The following MYADM variants were observed in gnomAD, a reference collection of about 807,000 sequenced individuals.
MYADM encodes the protein myeloid-associated differentiation marker.
For synonymous variants in MYADM, 224 were observed against 210.2 expected (o/e 1.07, Z -0.57); for missense variants, 416 against 443.4 (o/e 0.94, Z 0.56).
chr19:53,870,390 T>TCCGAGGGAGGAGGGG, intron 2 of MYADM, among the ~76,000 whole-genome samples: 2 of 100,580 alleles, frequency 2.0e-5, no homozygotes, highest in African/African-American at 1.4e-4. Flanking sequence ...GGCTCCTGGG[T>TCCGAGGGAGGAGGGG]CTGAGGGAGG....
chr19:53,871,611 T>C (rs988031524), intron 2 of MYADM, among the ~76,000 whole-genome samples: 1 of 151,992 alleles, frequency 6.6e-6, no homozygotes, highest in Admixed American at 6.6e-5. Flanking sequence ...TGAGAAGATA[T>C]CCTTTATCGG....
In MYADM at chr19:53,874,347, G is replaced by A. The variant is rs1175263493; in HGVS notation, c.818G>A (p.Arg273His). Residue 273 changes from arginine to histidine, a missense_variant, in exon 3 of 3, where the codon CGC becomes CAC. Transcript: ENST00000391770. ...FDEKYGGQPR[R>H]SRDVSCSRSH... ...GAGAAGTATGGCGGCCAGCCTCGGC[G>A]CTCGAGAGATGTAAGCTGCAGCCGC... The A allele has an allele frequency of 1.2e-6, 2 of 1,613,740 alleles. No homozygotes were observed. The highest frequency in any genetic ancestry group is 1.3e-5 in the African/African-American group (1 of 74,954).
In MYADM at chr19:53,876,214, C is replaced by T. The variant is rs1197104339; in HGVS notation, c.*1716C>T. ...CACGGGTGTTTCTGTGTGCTAGTTG[C>T]TTCTTGCTGCTGCTTCCTGCTTGTC... On this transcript the variant is annotated 3_prime_UTR_variant, in exon 3 of 3. Coordinates refer to ENST00000391770, the MANE Select transcript of MYADM (RefSeq NM_138373.5). The T allele has an allele frequency of 6.0e-6, 1 of 165,552 alleles. No homozygotes were observed. Among genetic ancestry groups the T allele is most frequent in the Non-Finnish European group, 1.5e-5 (1 of 68,032 alleles). 10.3% of individuals were successfully genotyped at this position (165,552 alleles called of 1,614,324 possible).
At chr19:53,872,363 T>C (rs899015806) in intron 2 of MYADM, among the ~76,000 whole-genome samples, 2 of 151,934 alleles carry the variant, frequency 1.3e-5, no homozygotes, top group African/African-American at 4.8e-5. Context: ...GCCCAGATAA[T>C]TTTTGTATTA....
At position 53,873,621 on chromosome 19, in the gene MYADM, C is replaced by G. The variant is rs746598472; in HGVS notation, c.92C>G (p.Ala31Gly). 3 of 1,614,160 alleles carry G rather than the reference C, an allele frequency of 1.9e-6. No homozygotes were observed. The highest frequency in any genetic ancestry group is 1.7e-6 in the Non-Finnish European group (2 of 1,180,034). ...CCCATGATCGTGGGGTCCCCTCGGG[C>G]CCTGACACAGCCCCTGGGTCTCCTT... is the stretch of plus-strand genomic sequence containing the variant. Reference protein sequence around the residue: ...GSPMIVGSPRALTQPLGLLRL... With the variant: ...GSPMIVGSPRGLTQPLGLLRL... Residue 31 changes from alanine to glycine, a missense_variant, in exon 3 of 3, where the codon GCC becomes GGC. Coordinates refer to ENST00000391770, the MANE Select transcript of MYADM (RefSeq NM_138373.5). The surrounding 1 kb of genome is among the most constrained non-coding windows in gnomAD (Gnocchi z 4.3).
chr19:53,866,330 C>A (rs2068244373), upstream of MYADM: 1 of 151,886 alleles, frequency 6.6e-6, no homozygotes, highest in East Asian at 1.9e-4. The surrounding 1 kb of genome is among the most constrained non-coding windows in gnomAD (Gnocchi z 4.3). Context: ...CCCGTTAGCT[C>A]AGCGTCGCTG....
At position 53,868,728 on chromosome 19, in the gene MYADM, G is replaced by C. The variant is rs2068291738; in HGVS notation, c.-88+785G>C. Among the ~76,000 whole-genome samples, 1 of 152,166 alleles carries C rather than the reference G, an allele frequency of 6.6e-6. No homozygotes were observed. The highest frequency in any genetic ancestry group is 2.1e-4 in the South Asian group (1 of 4,834). ...TGAGGGGCTGGGTGTGGCCCGGAGA[G>C]TCGGGTGCGCTGCGAGGAATCCCGG... On this transcript the variant is annotated intron_variant, in intron 1 of 2. Coordinates refer to ENST00000391770, the MANE Select transcript of MYADM (RefSeq NM_138373.5). The surrounding 1 kb of genome is among the most constrained non-coding windows in gnomAD (Gnocchi z 6.3).
rs1356362183 is a variant in MYADM at position 53,868,765 on chromosome 19, C to G, written c.-88+822C>G. On this transcript the variant is annotated intron_variant, in intron 1 of 2. Transcript: ENST00000391770. This position sits in a 1 kb window ranked among gnomAD's most constrained non-coding sequence, Gnocchi z 6.3. Reference sequence around the variant, plus strand: ...GCGAGGAATCCCGGAGGGGTGTTTCCTCACCCTCCAGGGTCTGGCTGCGCA... The same window carrying G: ...GCGAGGAATCCCGGAGGGGTGTTTCGTCACCCTCCAGGGTCTGGCTGCGCA... 3 of 152,354 alleles carry G rather than the reference C, an allele frequency of 2.0e-5. No individual in the cohort carries two copies. The highest frequency in any genetic ancestry group is 4.4e-5 in the Non-Finnish European group (3 of 68,222). The allele number at this position is 152,354 out of a possible 1,614,324, so 9.4% of individuals were successfully genotyped here. A position where few individuals can be genotyped will look rare whatever the true frequency, so the allele number is the denominator to read the frequency against.
chr19:53,865,891 G>C (rs973297574), upstream of MYADM: 19 of 151,962 alleles, frequency 1.3e-4, no homozygotes, highest in African/African-American at 4.4e-4. Context: ...TCCCAGGGGA[G>C]TCTCCAACTA....
Position 53,874,551 on chromosome 19 carries a change from C to G in MYADM, c.*53C>G, listed in dbSNP as rs1599927419. 1.3e-6 allele frequency: 2 copies of G among 1,509,432 alleles called. No individual in the cohort carries two copies. The highest frequency in any genetic ancestry group is 4.7e-5 in the East Asian group (2 of 42,434). The allele number at this position is 1,509,432 out of a possible 1,614,324, so 93.5% of individuals were successfully genotyped here. ...CTCCAACCTCTTTGTTCTTCTTGCC[C>G]GAGTTTTCTTTATGGAGTACTTCTT... On this transcript the variant is annotated 3_prime_UTR_variant, in exon 3 of 3. Transcript: ENST00000391770.
In MYADM at chr19:53,873,956, T is replaced by G; in HGVS notation, c.427T>G (p.Phe143Val). The G allele has an allele frequency of 1.2e-6, 2 of 1,610,652 alleles. No homozygotes were observed. Among genetic ancestry groups the G allele is most frequent in the Non-Finnish European group, 1.7e-6 (2 of 1,180,018 alleles). ...SRDHAIAATF[F>V]SCIACVAYAT... is the part of the protein sequence containing the mutation. ...GGACCACGCCATCGCCGCCACCTTCTTCTCCTGCATCGCGTGTGTGGCTTA... is the reference window on the plus strand; with the variant it reads ...GGACCACGCCATCGCCGCCACCTTCGTCTCCTGCATCGCGTGTGTGGCTTA... The change falls in exon 3 of 3, where the codon TTC (phenylalanine) becomes GTC (valine). Residue 143 changes from phenylalanine to valine, a missense_variant. Coordinates refer to ENST00000391770, the MANE Select transcript of MYADM (RefSeq NM_138373.5). The surrounding 1 kb of genome is among the most constrained non-coding windows in gnomAD (Gnocchi z 4.3).
At position 53,875,338 on chromosome 19, in the gene MYADM, A is replaced by AT. The variant is rs1187935261; in HGVS notation, c.*843dup. 6.0e-6 allele frequency: 1 copy of AT among 166,558 alleles called. No homozygotes were observed. Among genetic ancestry groups the AT allele is most frequent in the East Asian group, 1.9e-4 (1 of 5,164 alleles). The allele number at this position is 166,558 out of a possible 1,614,324, so 10.3% of individuals were successfully genotyped here. ...AATTAAAAAACATATATATATATAT[A>AT]TTTGGAGGTCAGTAATTTCCAATGG... On this transcript the variant is annotated 3_prime_UTR_variant, in exon 3 of 3. Coordinates refer to ENST00000391770, the MANE Select transcript of MYADM (RefSeq NM_138373.5).
rs1197104339 is a variant in MYADM, at chr19:53,876,214, C to A, written c.*1716C>A. 1 of 165,552 alleles carries A rather than the reference C, an allele frequency of 6.0e-6. No homozygotes were observed. Among genetic ancestry groups the A allele is most frequent in the Non-Finnish European group, 1.5e-5 (1 of 68,032 alleles). 10.3% of individuals were successfully genotyped at this position (165,552 alleles called of 1,614,324 possible). A position where few individuals can be genotyped will look rare whatever the true frequency, so the allele number is the denominator to read the frequency against. ...CACGGGTGTTTCTGTGTGCTAGTTG[C>A]TTCTTGCTGCTGCTTCCTGCTTGTC... On this transcript the variant is annotated 3_prime_UTR_variant, in exon 3 of 3. Coordinates refer to ENST00000391770, the MANE Select transcript of MYADM (RefSeq NM_138373.5).
rs923685672 is a variant in MYADM at position 53,868,150 on chromosome 19, C to T, written c.-88+207C>T. ...AGAGTGGGGAAGGGGACCTGGACTC[C>T]GGGGTCTGAGGGAGGAGGGGCTGGG... On this transcript the variant is annotated intron_variant, in intron 1 of 2. Coordinates refer to ENST00000391770, the MANE Select transcript of MYADM (RefSeq NM_138373.5). This position sits in a 1 kb window ranked among gnomAD's most constrained non-coding sequence, Gnocchi z 6.3. Among the ~76,000 whole-genome samples, 2 of 150,178 alleles carry T rather than the reference C, an allele frequency of 1.3e-5. No homozygotes were observed. The highest frequency in any genetic ancestry group is 2.5e-5 in the African/African-American group (1 of 40,664).
Position 53,873,571 on chromosome 19 carries a change from G to T in MYADM, c.42G>T (p.Thr14=), listed in dbSNP as rs147345516. ...TVTRTTITTT[T]TSSSGLGSPM... ...CCCGCACCACCATCACAACCACCAC[G>T]ACGTCATCTTCGGGCCTGGGGTCCC... is the stretch of plus-strand genomic sequence containing the variant. Residue 14 remains threonine, a synonymous_variant, in exon 3 of 3, where the codon ACG becomes ACT. Coordinates refer to ENST00000391770, the MANE Select transcript of MYADM (RefSeq NM_138373.5). The surrounding 1 kb of genome is among the most constrained non-coding windows in gnomAD (Gnocchi z 4.3). 9 of 1,611,616 alleles carry T rather than the reference G, an allele frequency of 5.6e-6. No homozygotes were observed. Among genetic ancestry groups the T allele is most frequent in the African/African-American group, 1.3e-5 (1 of 74,886 alleles).
At chr19:53,866,149 CCGTAGGGCA>C (rs1270742431), upstream of MYADM, 2 of 152,606 alleles carry the variant, frequency 1.3e-5, no homozygotes, top group Non-Finnish European at 2.9e-5. This position sits in a 1 kb window ranked among gnomAD's most constrained non-coding sequence, Gnocchi z 4.3. Context: ...CCTCCCTGCT[CCGTAGGGCA>C]CGTAGACCCG....
rs992825772 is a variant in MYADM, at chr19:53,875,386, C to T, written c.*888C>T. 1.2e-5 allele frequency: 2 copies of T among 166,620 alleles called. No homozygotes were observed. The highest frequency in any genetic ancestry group is 3.9e-4 in the East Asian group (2 of 5,178). The allele number at this position is 166,620 out of a possible 1,614,324, so 10.3% of individuals were successfully genotyped here. A position where few individuals can be genotyped will look rare whatever the true frequency, so the allele number is the denominator to read the frequency against. ...TGGGCGGGAGGCTTTAAGCACCGACCCTGGGTCCCTAGGCCCCGCCTGGCA... is the reference window on the plus strand; with the variant it reads ...TGGGCGGGAGGCTTTAAGCACCGACTCTGGGTCCCTAGGCCCCGCCTGGCA... On this transcript the variant is annotated 3_prime_UTR_variant, in exon 3 of 3. Transcript: ENST00000391770.
intron 2 of MYADM, among the ~76,000 whole-genome samples, chr19:53,870,969 G>T (rs372079841): frequency 6.6e-5 from 10 of 152,198 alleles, no homozygotes; most frequent in Non-Finnish European, 1.5e-4. Flanking sequence ...AGTGGCTCAT[G>T]CCTGTAATCC....
intron 1 of MYADM, chr19:53,869,194 C>G (rs1009093767): frequency 6.6e-6 from 1 of 152,410 alleles, no homozygotes; most frequent in African/African-American, 2.4e-5. Flanking sequence ...AGCCTGAGCC[C>G]CTCAGAGGCC....
Sources: allele counts gnomAD v4.1 joint callset (sites outside exome capture counted in the v4.1 genomes callset), GRCh38; gene constraint gnomAD v4.1.1; non-coding constraint Gnocchi (gnomAD v3.1); transcripts MANE v1.5; gene names NCBI Gene and HGNC (gene_info 2026-07-23, HGNC 2026-07-21).